The following ISCA1 variants were observed in gnomAD, a reference collection of about 807,000 sequenced individuals.
ISCA1 encodes the protein iron-sulfur cluster assembly 1 homolog, mitochondrial.
Under a neutral mutation model 14.7 loss-of-function variants are expected in ISCA1, and 9 were observed. That is an observed-to-expected ratio of 0.61 (90% CI 0.37 to 1.07). ISCA1 has a LOEUF of 1.07. ISCA1 is among the 50% of genes least tolerant of loss of function. The pLI, the probability that ISCA1 is intolerant of heterozygous loss-of-function variation, is 0.01. For missense variants in ISCA1, 102 were observed against 150.1 expected (o/e 0.68, Z 1.67); for synonymous variants, 38 against 54.3 (o/e 0.70, Z 1.32).
intron 3 of ISCA1, among the ~76,000 whole-genome samples, chr9:86,270,815 T>C (rs902355347): frequency 6.7e-6 from 1 of 149,834 alleles, no homozygotes; most frequent in African/African-American, 2.5e-5. Flanking sequence ...AAATTGGAAA[T>C]CATCATTCTC....
intron 1 of ISCA1, chr9:86,282,167 CCA>C: frequency 3.4e-6 from 2 of 584,228 alleles, no homozygotes; most frequent in Non-Finnish European, 5.8e-6. Flanking sequence ...GTTTCCGGGG[CCA>C]AGAGAGCAGC....
intron 1 of ISCA1, among the ~76,000 whole-genome samples, chr9:86,276,723 T>C (rs1056011895): frequency 2.6e-5 from 4 of 151,720 alleles, no homozygotes; most frequent in Admixed American, 2.6e-4. Flanking sequence ...ATACAAACAT[T>C]AGCTGAGGAT....
chr9:86,266,958 A>G (rs1825298947), intron 3 of ISCA1: 1 of 152,384 alleles, frequency 6.6e-6, no homozygotes, highest in Admixed American at 6.6e-5. Flanking sequence ...TCGGCCTCCC[A>G]AAGTGCTGGG....
chr9:86,282,463 G>A lies in ISCA1; in HGVS notation c.-5C>T. The A allele has an allele frequency of 1.3e-6, 2 of 1,551,900 alleles. No individual in the cohort carries two copies. The highest frequency in any genetic ancestry group is 1.7e-6 in the Non-Finnish European group (2 of 1,147,754). On this transcript the variant is annotated 5_prime_UTR_variant, in exon 1 of 4. Transcript: ENST00000375991. The stretch of plus-strand genomic sequence containing the variant: ...CCGGACTAAGGAAGCCGACATCTTC[G>A]CCGTCCCGGCGCCCCGGTGCCTCGG...
At chr9:86,277,948 ATCACTACTTC>A (rs1825459607) in intron 1 of ISCA1, among the ~76,000 whole-genome samples, 1 of 152,256 alleles carries the variant, frequency 6.6e-6, no homozygotes, top group East Asian at 1.9e-4. Flanking sequence ...TGAATGTTTT[ATCACTACTTC>A]ATAGCAACAC....
At chr9:86,279,042 C>A (rs1679018755) in intron 1 of ISCA1, among the ~76,000 whole-genome samples, 1 of 152,154 alleles carries the variant, frequency 6.6e-6, no homozygotes, top group South Asian at 2.1e-4. Context: ...GTAGTATTTC[C>A]TAAACTGCCT....
rs953300144 is a variant in ISCA1 at position 86,282,383 on chromosome 9, T to C, written c.76A>G (p.Thr26Ala). 12 of 1,549,404 alleles carry C rather than the reference T, an allele frequency of 7.7e-6. No individual in the cohort carries two copies. Among genetic ancestry groups the C allele is most frequent in the Non-Finnish European group, 1.0e-5 (12 of 1,146,376 alleles). The change falls in exon 1 of 4, where the codon ACC becomes GCC. Residue 26 changes from threonine (T) to alanine (A), a missense_variant. Transcript: ENST00000375991. Reference protein sequence around the residue: ...RKLQPTRAALTLTPSAVNKIK... With the variant: ...RKLQPTRAALALTPSAVNKIK... The stretch of plus-strand genomic sequence containing the variant: ...CGCGCGCCGCGAGCACTCACCAGGG[T>C]GAGGGCTGCCCGGGTGGGCTGCAGC...
chr9:86,269,577 T>C (rs904023981), intron 3 of ISCA1, among the ~76,000 whole-genome samples: 3 of 151,700 alleles, frequency 2.0e-5, no homozygotes, highest in African/African-American at 7.3e-5. Context: ...CTTCACAGAA[T>C]TGGAAAAAAC....
chr9:86,274,110 A>G, intron 2 of ISCA1, 79 bp downstream of exon 2: 1 of 793,988 alleles, frequency 1.3e-6, no homozygotes, highest in South Asian at 1.5e-5. Context: ...AAATGAAATA[A>G]TACTGTATAT....
At chr9:86,274,730 G>C (rs1825419914) in intron 1 of ISCA1, among the ~76,000 whole-genome samples, 2 of 151,826 alleles carry the variant, frequency 1.3e-5, no homozygotes, top group South Asian at 4.2e-4. Flanking sequence ...AAAATGCATA[G>C]CTTGAGGAAA....
chr9:86,280,597 A>G (rs1174467805), intron 1 of ISCA1, among the ~76,000 whole-genome samples: 93 of 148,812 alleles, frequency 6.2e-4, no homozygotes, highest in Non-Finnish European at 9.7e-4. Flanking sequence ...CCTGTCTCAA[A>G]AAAAAAAAAA....
intron 2 of ISCA1, among the ~76,000 whole-genome samples, chr9:86,273,257 A>AT (rs1216969679): frequency 6.6e-6 from 1 of 152,228 alleles, no homozygotes; most frequent in African/African-American, 2.4e-5. Context: ...ACTTGAAATG[A>AT]TTTACAGCAT....
At chr9:86,270,526 T>A (rs1032391170) in intron 3 of ISCA1, among the ~76,000 whole-genome samples, 14 of 150,338 alleles carry the variant, frequency 9.3e-5, no homozygotes, top group Non-Finnish European at 1.9e-4. Flanking sequence ...ATTGTGGAAG[T>A]CAGTGTGGCG....
intron 1 of ISCA1, among the ~76,000 whole-genome samples, chr9:86,276,909 G>A (rs1825445310): frequency 7.3e-6 from 1 of 137,140 alleles, no homozygotes; most frequent in African/African-American, 2.7e-5. Context: ...CATAGCCATG[G>A]AAAATATCCG....
intron 1 of ISCA1, among the ~76,000 whole-genome samples, chr9:86,281,523 GAT>G (rs1464270657): frequency 6.6e-6 from 1 of 152,232 alleles, no homozygotes. Context: ...TTTGGAACTA[GAT>G]AGAGGTGATG....
chr9:86,276,417 A>C (rs2131225698), intron 1 of ISCA1, among the ~76,000 whole-genome samples: 1 of 152,354 alleles, frequency 6.6e-6, no homozygotes, highest in South Asian at 2.1e-4. Context: ...CCCCTGTTCT[A>C]AGTGATTGTC....
At chr9:86,276,151 T>C (rs1244754710) in intron 1 of ISCA1, among the ~76,000 whole-genome samples, 1 of 152,010 alleles carries the variant, frequency 6.6e-6, no homozygotes, top group Non-Finnish European at 1.5e-5. Flanking sequence ...GATGGCCCCA[T>C]CTAGGGGTGA....
At chr9:86,273,304 C>T (rs551510147) in intron 2 of ISCA1, among the ~76,000 whole-genome samples, 1 of 152,318 alleles carries the variant, frequency 6.6e-6, no homozygotes, top group East Asian at 1.9e-4. Flanking sequence ...TAAGATGATA[C>T]ACACATCCCT....
intron 1 of ISCA1, among the ~76,000 whole-genome samples, chr9:86,277,922 G>GA (rs1825459134): frequency 6.6e-6 from 1 of 152,162 alleles, no homozygotes; most frequent in South Asian, 2.1e-4. Flanking sequence ...AAAATTAAGG[G>GA]AAAAGGCATT....
Sources: allele counts gnomAD v4.1 joint callset (sites outside exome capture counted in the v4.1 genomes callset), GRCh38; gene constraint gnomAD v4.1.1; transcripts MANE v1.5; gene names NCBI Gene and HGNC (gene_info 2026-07-23, HGNC 2026-07-21).